Variants in PATJ observed in about 807,000 individuals in gnomAD.
PATJ encodes the protein PATJ crumbs cell polarity complex component, also known as inaD-like protein.
A neutral mutation model predicts 224.9 loss-of-function variants in PATJ; 190 were observed. The observed-to-expected ratio is 0.84, with a 90% CI of 0.75 to 0.95. PATJ has a LOEUF of 0.95. Ranked by LOEUF, PATJ falls within the 40% of genes least tolerant of loss-of-function variation. The probability of loss-of-function intolerance (pLI) is 0.00; values close to 1 mark genes in which losing one functional copy is unlikely to be tolerated. For missense variants in PATJ, 2,121 were observed against 2,270.3 expected, an observed-to-expected ratio of 0.93 and a Z score of 1.34; for synonymous variants, 769 against 820.3, an observed-to-expected ratio of 0.94 and a Z score of 1.07.
chr1:62,071,405 A>G (rs1006579400), intron 31 of PATJ, among the ~76,000 whole-genome samples: 1 of 151,740 alleles, frequency 6.6e-6, no homozygotes, highest in South Asian at 2.1e-4. Flanking sequence ...TCCTGAAATT[A>G]TAGCTACTTT....
intron 27 of PATJ, among the ~76,000 whole-genome samples, chr1:61,959,126 C>T (rs1482793503): frequency 6.6e-6 from 1 of 151,962 alleles, no homozygotes; most frequent in Non-Finnish European, 1.5e-5. Flanking sequence ...GAGGTAAAAA[C>T]AGCACTGTTC....
At chr1:61,785,751 T>G (rs1219327987) in intron 7 of PATJ, among the ~76,000 whole-genome samples, 2 of 152,202 alleles carry the variant, frequency 1.3e-5, no homozygotes, top group Non-Finnish European at 2.9e-5. Flanking sequence ...TGATGAACAC[T>G]TTGAACAGAT....
chr1:61,783,423 C>CTTTTTTTTTTT (rs79615768), intron 7 of PATJ, among the ~76,000 whole-genome samples: 5 of 119,226 alleles, frequency 4.2e-5, no homozygotes, highest in Non-Finnish European at 3.5e-5. Context: ...CTTTTCTTTT[C>CTTTTTTTTTTT]TTTTTTTTTT....
intron 31 of PATJ, among the ~76,000 whole-genome samples, chr1:62,068,643 C>G (rs1313714305): frequency 6.6e-6 from 1 of 152,212 alleles, no homozygotes; most frequent in Non-Finnish European, 1.5e-5. Context: ...AGCTTTGGGA[C>G]AGAGATCAAC....
intron 27 of PATJ, among the ~76,000 whole-genome samples, chr1:61,975,553 G>A (rs6668270): frequency 0.54 from 82,069 of 151,576 alleles, 24,134 homozygotes; most frequent in East Asian, 0.8. Context: ...CCCTTAATCC[G>A]GTGTACATCC....
rs1666521189 is a variant in PATJ, at chr1:61,871,485, G to GTATAATATATACACA, written c.2836-3754_2836-3753insATATATACACATATA. On this transcript the variant is annotated intron_variant, in intron 20 of 43. Coordinates refer to ENST00000642238, the MANE Select transcript of PATJ (RefSeq NM_001350145.3). The stretch of plus-strand genomic sequence containing the variant: ...TATATATGTATATACATATATATGT[G>GTATAATATATACACA]TATATATGTATATATACATATATAC... Among the ~76,000 whole-genome samples, 13 of 100,192 alleles carry GTATAATATATACACA rather than the reference G, an allele frequency of 1.3e-4. No homozygotes were observed. The East Asian group carries it at 2.8e-3, about 22-fold the overall frequency. The allele number at this position is 100,192 out of a possible 152,430, so 65.7% of individuals were successfully genotyped here. A position where few individuals can be genotyped will look rare whatever the true frequency, so the allele number is the denominator to read the frequency against.
At chr1:62,029,591 G>T (rs917472331) in intron 29 of PATJ, among the ~76,000 whole-genome samples, 2 of 152,184 alleles carry the variant, frequency 1.3e-5, no homozygotes, top group Admixed American at 6.5e-5. Flanking sequence ...ACAAAGTGCT[G>T]TATATGACAT....
At chr1:62,005,802 A>G (rs58805765) in intron 28 of PATJ, among the ~76,000 whole-genome samples, 3,508 of 152,288 alleles carry the variant, frequency 0.023, 127 homozygotes, top group African/African-American at 0.08. Context: ...GGACTCTCAG[A>G]TTTAATTATC....
chr1:62,101,259 C>CTTTTTTTTT (rs916854253), intron 33 of PATJ, among the ~76,000 whole-genome samples: 26 of 122,596 alleles, frequency 2.1e-4, no homozygotes, highest in Non-Finnish European at 3.1e-4. Flanking sequence ...CTTTTCTTTT[C>CTTTTTTTTT]TTTTTTTTTT....
intron 11 of PATJ, among the ~76,000 whole-genome samples, chr1:61,799,344 C>T (rs1233383367): frequency 6.6e-6 from 1 of 152,068 alleles, no homozygotes; most frequent in Non-Finnish European, 1.5e-5. Flanking sequence ...AGGCGCTGCC[C>T]GCCACCATGC....
intron 43 of PATJ, among the ~76,000 whole-genome samples, chr1:62,158,448 G>A (rs567540430): frequency 6.7e-6 from 1 of 148,256 alleles, no homozygotes; most frequent in East Asian, 2.0e-4. Flanking sequence ...GGCCGGTCAC[G>A]GTGGCTCACA....
At chr1:61,886,068 C>T (rs1164467853) in intron 22 of PATJ, among the ~76,000 whole-genome samples, 1 of 151,674 alleles carries the variant, frequency 6.6e-6, no homozygotes, top group Non-Finnish European at 1.5e-5. Context: ...AGGAGATATA[C>T]CTAATGCTAA....
chr1:62,113,321 C>T (rs1664074686), intron 34 of PATJ, among the ~76,000 whole-genome samples: 1 of 152,046 alleles, frequency 6.6e-6, no homozygotes. Context: ...GTTATGAAGT[C>T]GTTGTGATGT....
chr1:62,135,180 A>G (rs1666693785), intron 41 of PATJ, among the ~76,000 whole-genome samples: 4 of 152,088 alleles, frequency 2.6e-5, no homozygotes. Context: ...ATATGCAGCC[A>G]GGGGTAAGAA....
chr1:62,011,414 G>A (rs1440197632), intron 28 of PATJ, among the ~76,000 whole-genome samples: 4 of 152,060 alleles, frequency 2.6e-5, no homozygotes, highest in South Asian at 2.1e-4. Flanking sequence ...GGAAGGCCTC[G>A]GAGGAGAGAA....
At chr1:61,878,547 A>G (rs1472533092) in intron 21 of PATJ, among the ~76,000 whole-genome samples, 1 of 152,074 alleles carries the variant, frequency 6.6e-6, no homozygotes, top group Non-Finnish European at 1.5e-5. Context: ...AGTGATGATT[A>G]TAGGAAAAGT....
intron 36 of PATJ, 135 bp from the exon 37 acceptor site, chr1:62,116,997 T>A: frequency 1.4e-6 from 1 of 698,260 alleles, no homozygotes; most frequent in Admixed American, 3.0e-5. Flanking sequence ...GAATTCATCC[T>A]CCTCTCTCTA....
intron 33 of PATJ, among the ~76,000 whole-genome samples, chr1:62,106,158 G>GTATGTATATATATATATATA: frequency 2.1e-5 from 1 of 48,066 alleles, no homozygotes; most frequent in East Asian, 3.5e-4. Flanking sequence ...GTGTGTGTGT[G>GTATGTATATATATATATATA]TATATATATA....
intron 28 of PATJ, among the ~76,000 whole-genome samples, chr1:61,999,165 C>T (rs1036724517): frequency 4.6e-5 from 7 of 152,076 alleles, no homozygotes; most frequent in African/African-American, 1.4e-4. Flanking sequence ...TCAGCAGTGC[C>T]TCTCTCGACT....
Sources: gnomAD v4.1 joint callset for allele counts (sites outside exome capture counted in the v4.1 genomes callset) on GRCh38, gnomAD v4.1.1 for gene constraint, MANE v1.5 for transcripts, NCBI Gene and HGNC (gene_info 2026-07-23, HGNC 2026-07-21) for gene names.